P2RY2: variants seen among roughly 807,000 people sequenced by gnomAD.
P2RY2 encodes purinergic receptor P2Y2, also known as P2Y purinoceptor 2.
For missense variants in P2RY2, 567 were observed against 515.7 expected (o/e 1.10, Z -0.96); for synonymous variants, 241 against 231.9 (o/e 1.04, Z -0.35).
At chr11:73,219,664 A>G (rs1463431351) in intron 1 of P2RY2, among the ~76,000 whole-genome samples, 1 of 152,204 alleles carries the variant, frequency 6.6e-6, no homozygotes, top group Admixed American at 6.5e-5. Context: ...GACTTAAGGT[A>G]TTTGATAACT....
In P2RY2 at chr11:73,238,843, G is replaced by A. The variant is rs745785015; in HGVS notation, c.*3550G>A. 5 of 152,226 alleles carry A rather than the reference G, an allele frequency of 3.3e-5. No individual in the cohort carries two copies. The highest frequency in any genetic ancestry group is 7.3e-5 in the Non-Finnish European group (5 of 68,060). 9.4% of individuals were successfully genotyped at this position (152,226 alleles called of 1,614,324 possible). A position where few individuals can be genotyped will look rare whatever the true frequency, so the allele number is the denominator to read the frequency against. The stretch of plus-strand genomic sequence containing the variant: ...CCCTGCAGGGCAGAAGGGTCTATAA[G>A]TGGCCCCTCGCATGATTCAAGATGA... On this transcript the variant is annotated 3_prime_UTR_variant, in exon 3 of 3. Coordinates refer to ENST00000393597, the MANE Select transcript of P2RY2 (RefSeq NM_002564.4).
rs138649518 is a variant in P2RY2, at chr11:73,222,428, A to C, written c.-200+3996A>C. On this transcript the variant is annotated intron_variant, in intron 1 of 2. Transcript: ENST00000393597. Reference sequence around the variant, plus strand: ...CTGTCCCATCTACCTTCCATGTGGCACCATCTTTGTAAAGGTTGACTCTGA... The same window carrying C: ...CTGTCCCATCTACCTTCCATGTGGCCCCATCTTTGTAAAGGTTGACTCTGA... Among the ~76,000 whole-genome samples, 1,231 of 152,044 alleles carry C rather than the reference A, an allele frequency of 8.1e-3. 19 individuals are homozygous for C. The highest frequency in any genetic ancestry group is 0.028 in the African/African-American group (1,163 of 41,456).
At position 73,236,635 on chromosome 11, in the gene P2RY2, T is replaced by C. The variant is rs1438459011; in HGVS notation, c.*1342T>C. The C allele has an allele frequency of 4.1e-6, 4 of 985,172 alleles. No individual in the cohort carries two copies. The African/African-American group carries it at 7.0e-5, about 17-fold the overall frequency. The allele number at this position is 985,172 out of a possible 1,614,324, so 61.0% of individuals were successfully genotyped here. ...GGCTCAAGGCAGGGTTGGGGCTGGG[T>C]CACAAGGAGGCCAAGTTAGGGCTCC... On this transcript the variant is annotated 3_prime_UTR_variant, in exon 3 of 3. Coordinates refer to ENST00000393597, the MANE Select transcript of P2RY2 (RefSeq NM_002564.4).
chr11:73,218,864 T>G (rs951307172), intron 1 of P2RY2, among the ~76,000 whole-genome samples: 1 of 151,988 alleles, frequency 6.6e-6, no homozygotes, highest in African/African-American at 2.4e-5. Flanking sequence ...CCCCTACCAC[T>G]GTCCTAACCC....
intron 2 of P2RY2, among the ~76,000 whole-genome samples, chr11:73,233,588 C>A (rs1862522697): frequency 6.6e-6 from 1 of 152,224 alleles, no homozygotes; most frequent in Non-Finnish European, 1.5e-5. Context: ...AAACTCTGAT[C>A]CTGAGGTTCT....
chr11:73,230,176 C>T (rs936969772), intron 2 of P2RY2, among the ~76,000 whole-genome samples: 2 of 152,096 alleles, frequency 1.3e-5, no homozygotes, highest in African/African-American at 4.8e-5. Context: ...AGCTGGCCTT[C>T]CAAAGCTCCA....
At chr11:73,225,363 T>G (rs555780355) in intron 1 of P2RY2, among the ~76,000 whole-genome samples, 15 of 152,362 alleles carry the variant, frequency 9.8e-5, no homozygotes, top group African/African-American at 3.4e-4. Context: ...ATGCTAGGCT[T>G]GGCTCTGCCC....
chr11:73,219,229 G>C (rs137910455), intron 1 of P2RY2, among the ~76,000 whole-genome samples: 83 of 152,300 alleles, frequency 5.4e-4, no homozygotes, highest in African/African-American at 1.9e-3. Flanking sequence ...GGTTTGTTTT[G>C]GATCTAAGCT....
rs1014358814 is a variant in P2RY2 at position 73,240,835 on chromosome 11, C to T, written c.*5542C>T. On this transcript the variant is annotated 3_prime_UTR_variant, in exon 3 of 3. Coordinates refer to ENST00000393597, the MANE Select transcript of P2RY2 (RefSeq NM_002564.4). The stretch of plus-strand genomic sequence containing the variant: ...CTCATGCTCTGACCTTGGAGTGAGC[C>T]CAGTGCAGGGGCCTGACCTTAAACC... 2.6e-5 allele frequency: 4 copies of T among 152,212 alleles called. No homozygotes were observed. Among genetic ancestry groups the T allele is most frequent in the African/African-American group, 9.7e-5 (4 of 41,436 alleles). 9.4% of individuals were successfully genotyped at this position (152,212 alleles called of 1,614,324 possible).
chr11:73,220,508 T>G, intron 1 of P2RY2, among the ~76,000 whole-genome samples: 1 of 152,198 alleles, frequency 6.6e-6, no homozygotes, highest in South Asian at 2.1e-4. Context: ...AGCCTTCAGA[T>G]GCTCCTGCTG....
chr11:73,229,391 T>G (rs1158072048), intron 2 of P2RY2, among the ~76,000 whole-genome samples: 2 of 151,762 alleles, frequency 1.3e-5, no homozygotes, highest in East Asian at 3.9e-4. Flanking sequence ...GCAGCGGGGC[T>G]GGTGAGCGTT....
chr11:73,218,574 C>T (rs1354403511), intron 1 of P2RY2, 142 bp downstream of exon 1: 2 of 152,144 alleles, frequency 1.3e-5, no homozygotes, highest in East Asian at 3.9e-4. Context: ...AGTTGCGAGC[C>T]GGCGTGTAGC....
At chr11:73,226,136 A>T (rs1374542369) in intron 1 of P2RY2, among the ~76,000 whole-genome samples, 1 of 152,122 alleles carries the variant, frequency 6.6e-6, no homozygotes, top group African/African-American at 2.4e-5. Context: ...GAGGAATTTC[A>T]CTGGTTGGAC....
intron 1 of P2RY2, among the ~76,000 whole-genome samples, chr11:73,227,397 T>A (rs1862309979): frequency 6.6e-6 from 1 of 152,010 alleles, no homozygotes; most frequent in Non-Finnish European, 1.5e-5. Flanking sequence ...ATGTACACCT[T>A]AGTGTGACTC....
In P2RY2 at chr11:73,235,265, G is replaced by A. The variant is rs538740504; in HGVS notation, c.1106G>A (p.Ser369Asn). 4 of 1,577,234 alleles carry A rather than the reference G, an allele frequency of 2.5e-6. No individual in the cohort carries two copies. Among genetic ancestry groups the A allele is most frequent in the African/African-American group, 1.4e-5 (1 of 73,942 alleles). Residue 369 changes from serine to asparagine, a missense_variant, in exon 3 of 3, where the codon AGC (serine) becomes AAC (asparagine). By Grantham distance (46) the Ser-to-Asn change is conservative. Transcript: ENST00000393597. The stretch of plus-strand genomic sequence containing the variant: ...CGGACAGAGTCCACGCCGGCTGGTA[G>A]CGAGAACACTAAGGACATTCGGCTG... Reference protein sequence around the residue: ...SRRTESTPAGSENTKDIRL With the variant: ...SRRTESTPAGNENTKDIRL
At chr11:73,220,748 G>A (rs1862094444) in intron 1 of P2RY2, among the ~76,000 whole-genome samples, 1 of 152,162 alleles carries the variant, frequency 6.6e-6, no homozygotes, top group Non-Finnish European at 1.5e-5. Context: ...ATCCCAGTGG[G>A]CAACCCTCAG....
In P2RY2 at chr11:73,238,772, T is replaced by C. The variant is rs1049666736; in HGVS notation, c.*3479T>C. ...GAGTCAGAGTGAGTCCAGGTTCACC[T>C]GATGGCCAGAATCATGCCCTTTATA... On this transcript the variant is annotated 3_prime_UTR_variant, in exon 3 of 3. Transcript: ENST00000393597. 9.9e-5 allele frequency among the ~76,000 whole-genome samples: 15 copies of C among 152,186 alleles called. No homozygotes were observed. The highest frequency in any genetic ancestry group is 2.0e-4 in the Admixed American group (3 of 15,282).
chr11:73,236,867 G>A lies in P2RY2; in HGVS notation c.*1574G>A, dbSNP rs1403409585. 1.0e-6 allele frequency: 1 copy of A among 985,240 alleles called. No homozygotes were observed. The highest frequency in any genetic ancestry group is 1.7e-5 in the African/African-American group (1 of 57,204). 61.0% of individuals were successfully genotyped at this position (985,240 alleles called of 1,614,324 possible). On this transcript the variant is annotated 3_prime_UTR_variant, in exon 3 of 3. Transcript: ENST00000393597. ...CAGGACCACTCTGGGCTGACGTGTG[G>A]CGCTCAGCTGGACAGGGCCCCGCCC... is the stretch of plus-strand genomic sequence containing the variant.
Position 73,234,508 on chromosome 11 carries a change from C to G in P2RY2, c.349C>G (p.Leu117Val), listed in dbSNP as rs773327060. 1.9e-6 allele frequency: 3 copies of G among 1,613,224 alleles called. No homozygotes were observed. Among genetic ancestry groups the G allele is most frequent in the Non-Finnish European group, 2.5e-6 (3 of 1,179,398 alleles). ...GGTGCGCTTCCTCTTCTACACCAAC[C>G]TTTACTGCAGCATCCTCTTCCTCAC... is the stretch of plus-strand genomic sequence containing the variant. The part of the protein sequence containing the change: ...KLVRFLFYTN[L>V]YCSILFLTCI... Residue 117 changes from leucine (L) to valine (V), a missense_variant, in exon 3 of 3, where the codon CTT (leucine) becomes GTT (valine). Physicochemically the swap from Leu to Val is conservative, Grantham distance 32. Transcript: ENST00000393597.
Sources: allele counts gnomAD v4.1 joint callset (sites outside exome capture counted in the v4.1 genomes callset), GRCh38; gene constraint gnomAD v4.1.1; transcripts MANE v1.5; gene names NCBI Gene and HGNC (gene_info 2026-07-23, HGNC 2026-07-21).